UTS2: variants seen among roughly 807,000 people sequenced by gnomAD.
UTS2 encodes urotensin 2.
A neutral mutation model predicts 12.6 loss-of-function variants in UTS2; 10 were observed. That is an observed-to-expected ratio of 0.80 (90% CI 0.49 to 1.35). UTS2 has a LOEUF of 1.35. Ranked by LOEUF, UTS2 falls within the 40% of genes most tolerant of loss-of-function variation. The pLI, the probability that UTS2 is intolerant of heterozygous loss-of-function variation, is 0.00. For missense variants in UTS2, 142 were observed against 143.2 expected, an observed-to-expected ratio of 0.99 and a Z score of 0.04; for synonymous variants, 52 against 50.0, an observed-to-expected ratio of 1.04 and a Z score of -0.17.
At chr1:7,900,297 G>A in the UTS2 span, among the ~76,000 whole-genome samples, 1 of 152,124 alleles carries the variant, frequency 6.6e-6, no homozygotes, top group East Asian at 1.9e-4. Context: ...TACTCAGGAG[G>A]CTGAGGTGAG....
At chr1:7,864,018 G>T in the UTS2 span, among the ~76,000 whole-genome samples, 1,079 of 152,360 alleles carry the variant, frequency 7.1e-3, 13 homozygotes, top group African/African-American at 0.025. Context: ...AGGAGGGCAA[G>T]AGTGGAAGCG....
the UTS2 span, among the ~76,000 whole-genome samples, chr1:7,872,874 A>T: frequency 6.6e-6 from 1 of 152,198 alleles, no homozygotes; most frequent in Non-Finnish European, 1.5e-5. Context: ...AGACTTTCCT[A>T]GCTAGAGAGG....
chr1:7,862,750 C>T, the UTS2 span, among the ~76,000 whole-genome samples: 17 of 152,130 alleles, frequency 1.1e-4, no homozygotes, highest in African/African-American at 1.9e-4. Context: ...ATCTATTCAT[C>T]GGGGTCCACC....
rs1037788875 is a variant in UTS2 at position 7,850,808 on chromosome 1, T to C, written c.214+4A>G. Reference sequence around the variant, plus strand: ...ACACGCTATAAACATGAGAAGCATTTTACCTGCTTTCCTGAGAATATCCCC... The same window carrying C: ...ACACGCTATAAACATGAGAAGCATTCTACCTGCTTTCCTGAGAATATCCCC... On this transcript the variant is annotated splice_donor_region_variant and intron_variant, in intron 2 of 3. Coordinates refer to ENST00000361696, the MANE Select transcript of UTS2 (RefSeq NM_006786.4). 48 of 1,613,956 alleles carry C rather than the reference T, an allele frequency of 3.0e-5. No individual in the cohort carries two copies. The Admixed American group carries it at 5.8e-4, about 20-fold the overall frequency.
At chr1:7,884,338 G>A in the UTS2 span, among the ~76,000 whole-genome samples, 1 of 138,962 alleles carries the variant, frequency 7.2e-6, no homozygotes, top group East Asian at 2.0e-4. Context: ...GTCTCACTCT[G>A]TTGCCTAGGC....
Position 7,852,986 on chromosome 1 carries a change from G to C in UTS2, c.18C>G (p.Ser6=), listed in dbSNP as rs775567533. 1 of 1,613,594 alleles carries C rather than the reference G, an allele frequency of 6.2e-7. No homozygotes were observed. The highest frequency in any genetic ancestry group is 8.5e-7 in the Non-Finnish European group (1 of 1,179,824). The change falls in exon 1 of 4, where the codon TCC becomes TCG. Residue 6 remains serine (S), a synonymous_variant. Transcript: ENST00000361696. MYKLA[S]CCLLFIGFLN... ...AGAATCCTATGAAAAGCAAACAGCA[G>C]GAGGCCAGCTTATACATGATCGCCA...
intron 3 of UTS2, among the ~76,000 whole-genome samples, chr1:7,848,512 CTGTAT>C (rs57463148): frequency 0.083 from 12,495 of 150,890 alleles, 576 homozygotes; most frequent in Middle Eastern, 0.2. Context: ...ATTGTGTATA[CTGTAT>C]TGTATTGTAT....
chr1:7,912,345 A>T, the UTS2 span, among the ~76,000 whole-genome samples: 1 of 152,102 alleles, frequency 6.6e-6, no homozygotes, highest in Non-Finnish European at 1.5e-5. Context: ...ACTAATGAGG[A>T]CTCAGCGGCA....
At chr1:7,885,920 GGT>G in the UTS2 span, among the ~76,000 whole-genome samples, 1 of 90,094 alleles carries the variant, frequency 1.1e-5, no homozygotes, top group South Asian at 4.6e-4. Context: ...GGGGGGGGCG[GGT>G]GGAGGTGGAG....
the UTS2 span, among the ~76,000 whole-genome samples, chr1:7,890,196 G>T: frequency 7.9e-3 from 1,203 of 151,798 alleles, 16 homozygotes; most frequent in African/African-American, 0.026. Context: ...CATTAAGAGT[G>T]GAATGAAAAT....
At position 7,850,905 on chromosome 1, in the gene UTS2, G is replaced by A. The variant is rs776604807; in HGVS notation, c.121C>T (p.Arg41Cys). The change falls in exon 2 of 4, where the codon CGC becomes TGC. Residue 41 changes from arginine to cysteine, a missense_variant. Physicochemically the swap from Arg to Cys is radical, Grantham distance 180. Transcript: ENST00000361696. ...FQLSAPHEDA[R>C]LTPEELERAS... ...CTTTCTAGCTCCTCCGGAGTTAAGC[G>A]CGCGTCTTCATGAGGTGCTACAGAG... The A allele has an allele frequency of 1.9e-5, 31 of 1,613,984 alleles. No individual in the cohort carries two copies. The highest frequency in any genetic ancestry group is 5.3e-5 in the African/African-American group (4 of 74,924).
chr1:7,869,513 C>G, the UTS2 span, among the ~76,000 whole-genome samples: 2 of 152,186 alleles, frequency 1.3e-5, no homozygotes, highest in Non-Finnish European at 2.9e-5. Context: ...GAAAAACAGG[C>G]CTTGAAAATG....
the UTS2 span, among the ~76,000 whole-genome samples, chr1:7,871,589 A>G: frequency 6.6e-6 from 1 of 151,490 alleles, no homozygotes; most frequent in African/African-American, 2.4e-5. Flanking sequence ...TTTTTTTTAA[A>G]TTGAAGGTCT....
chr1:7,908,510 C>T, the UTS2 span, among the ~76,000 whole-genome samples: 59 of 151,298 alleles, frequency 3.9e-4, no homozygotes, highest in Admixed American at 2.7e-3. Context: ...TAAGACCACC[C>T]CTAGAAGCCA....
At chr1:7,908,101 C>T in the UTS2 span, among the ~76,000 whole-genome samples, 1 of 152,026 alleles carries the variant, frequency 6.6e-6, no homozygotes, top group East Asian at 1.9e-4. Context: ...GAGTTCGAGA[C>T]CAGCCTGGCC....
the UTS2 span, among the ~76,000 whole-genome samples, chr1:7,876,395 CCCAGCCTGTTGCCACCAATGCTGGTG>C: frequency 4.0e-5 from 5 of 124,582 alleles, no homozygotes; most frequent in East Asian, 1.3e-3. Flanking sequence ...GATGGGTCCA[CCCAGCCTGTTGCCACCAATGCTGGTG>C]CCAGCATGTG....
At chr1:7,882,626 A>G in the UTS2 span, among the ~76,000 whole-genome samples, 3 of 152,238 alleles carry the variant, frequency 2.0e-5, no homozygotes, top group Non-Finnish European at 4.4e-5. Flanking sequence ...ATGAAGAGAC[A>G]ACCTAGAGAA....
At chr1:7,875,066 C>CT in the UTS2 span, among the ~76,000 whole-genome samples, 1 of 140,958 alleles carries the variant, frequency 7.1e-6, no homozygotes, top group Admixed American at 7.1e-5. Context: ...TTTTTTTTTT[C>CT]TTTTTTCTTT....
At chr1:7,911,744 A>C in the UTS2 span, among the ~76,000 whole-genome samples, 1 of 152,126 alleles carries the variant, frequency 6.6e-6, no homozygotes, top group African/African-American at 2.4e-5. Context: ...TCTACTAAAA[A>C]TACAAAAATT....
Sources: allele counts gnomAD v4.1 joint callset (sites outside exome capture counted in the v4.1 genomes callset), GRCh38; gene constraint gnomAD v4.1.1; transcripts MANE v1.5; gene names NCBI Gene and HGNC (gene_info 2026-07-23, HGNC 2026-07-21).